The following SELENOO variants were observed in gnomAD, a reference collection of about 807,000 sequenced individuals.
SELENOO encodes protein adenylyltransferase SelO, mitochondrial.
In SELENOO, 74 loss-of-function variants were observed where a neutral mutation model predicts 58.7. That is an observed-to-expected ratio of 1.26 (90% CI 1.04 to 1.53). The LOEUF (loss-of-function observed/expected upper bound fraction) is 1.53, where lower values mean the gene tolerates loss of function less well. Ranked by LOEUF, SELENOO falls within the 40% of genes most tolerant of loss-of-function variation. The probability of loss-of-function intolerance (pLI) is 0.00; values close to 1 mark genes in which losing one functional copy is unlikely to be tolerated. For synonymous variants in SELENOO, 543 were observed against 453.2 expected (o/e 1.20, Z -2.52); for missense variants, 1,149 against 970.0 (o/e 1.18, Z -2.45).
Position 50,215,711 on chromosome 22 carries a change from T to C in SELENOO, c.1352-6T>C, listed in dbSNP as rs2064402712. On this transcript the variant is annotated splice_region_variant and splice_polypyrimidine_tract_variant and intron_variant, in intron 5 of 8. Transcript: ENST00000380903. ...CTTCCAGCTCCCTGAGCAGCCTGTG[T>C]TCCAGGTGCCGACTTCACAAACACC... 1 of 1,581,956 alleles carries C rather than the reference T, an allele frequency of 6.3e-7. No individual in the cohort carries two copies. Among genetic ancestry groups the C allele is most frequent in the African/African-American group, 1.3e-5 (1 of 74,234 alleles).
intron 5 of SELENOO, among the ~76,000 whole-genome samples, chr22:50,215,115 G>C (rs2064396425): frequency 6.6e-6 from 1 of 152,180 alleles, no homozygotes; most frequent in African/African-American, 2.4e-5. Flanking sequence ...TAGGGTCACT[G>C]TGGTTTCAGA....
At chr22:50,208,432 A>G in intron 2 of SELENOO, 104 bp from the exon 3 acceptor site, 1 of 205,570 alleles carries the variant, frequency 4.9e-6, no homozygotes, top group Non-Finnish European at 6.0e-6. Flanking sequence ...CTCCATCTCA[A>G]AAAAAAAAAA....
chr22:50,204,689 TTGG>T (rs2064321951), intron 1 of SELENOO, among the ~76,000 whole-genome samples: 1 of 152,028 alleles, frequency 6.6e-6, no homozygotes, highest in Non-Finnish European at 1.5e-5. Flanking sequence ...TTCTGCACTG[TTGG>T]TGGGAATGTA....
chr22:50,213,746 C>T (rs1477220559), intron 5 of SELENOO, among the ~76,000 whole-genome samples: 1 of 152,074 alleles, frequency 6.6e-6, no homozygotes, highest in Non-Finnish European at 1.5e-5. Context: ...CTCCCAGGTT[C>T]ACGGCATTTT....
intron 5 of SELENOO, among the ~76,000 whole-genome samples, chr22:50,215,208 A>AAGCAGG (rs1421092603): frequency 3.9e-5 from 6 of 152,086 alleles, no homozygotes; most frequent in African/African-American, 1.4e-4. Context: ...CAGCTTCTCA[A>AAGCAGG]CACTCGCTAG....
At chr22:50,207,517 C>T (rs550879524) in intron 2 of SELENOO, among the ~76,000 whole-genome samples, 2 of 151,868 alleles carry the variant, frequency 1.3e-5, no homozygotes, top group African/African-American at 4.8e-5. Context: ...CTTGCAGCCC[C>T]GTCCTGCCCG....
Position 50,201,193 on chromosome 22 carries a change from C to T in SELENOO, c.157C>T (p.Arg53Cys), listed in dbSNP as rs2064296385. Residue 53 changes from arginine to cysteine, a missense_variant, in exon 1 of 9, where the codon CGC becomes TGC. By Grantham distance (180) the Arg-to-Cys change is radical (BLOSUM62 -3). Coordinates refer to ENST00000380903, the MANE Select transcript of SELENOO (RefSeq NM_031454.2). ...RWLAGLRFDN[R>C]ALRALPVEAP... ...GCTGGCGGGGCTGCGCTTCGACAACCGCGCCCTGCGCGCCCTGCCCGTGGA... is the reference window on the plus strand; with the variant it reads ...GCTGGCGGGGCTGCGCTTCGACAACTGCGCCCTGCGCGCCCTGCCCGTGGA... 1 of 1,199,286 alleles carries T rather than the reference C, an allele frequency of 8.3e-7. No homozygotes were observed. The highest frequency in any genetic ancestry group is 4.5e-5 in the Admixed American group (1 of 22,310). The allele number at this position is 1,199,286 out of a possible 1,614,324, so 74.3% of individuals were successfully genotyped here. A position where few individuals can be genotyped will look rare whatever the true frequency, so the allele number is the denominator to read the frequency against.
At chr22:50,211,582 G>T (rs1373014795) in intron 5 of SELENOO, among the ~76,000 whole-genome samples, 1 of 152,148 alleles carries the variant, frequency 6.6e-6, no homozygotes, top group Admixed American at 6.5e-5. Context: ...AAAAGCTATT[G>T]CATTTTATCA....
rs1489325152 is a variant in SELENOO, at chr22:50,201,132, G to A, written c.96G>A (p.Thr32=). The change falls in exon 1 of 9, where the codon ACG becomes ACA. Residue 32 remains threonine (T), a synonymous_variant. Coordinates refer to ENST00000380903, the MANE Select transcript of SELENOO (RefSeq NM_031454.2). ...RCSPSPAPRS[T]LSGAAMEPAP... is the part of the protein sequence containing the mutation. ...CCCCGTCGCCGGCGCCCCGCTCTAC[G>A]TTGTCGGGCGCCGCCATGGAGCCCG... The A allele has an allele frequency of 3.8e-6, 5 of 1,313,940 alleles. No homozygotes were observed. In the East Asian group the frequency reaches 9.5e-5, roughly 25 times the overall value. The allele number at this position is 1,313,940 out of a possible 1,614,324, so 81.4% of individuals were successfully genotyped here. A position where few individuals can be genotyped will look rare whatever the true frequency, so the allele number is the denominator to read the frequency against.
Position 50,217,415 on chromosome 22 carries a change from T to G in SELENOO, c.*46T>G, listed in dbSNP as rs758695973. On this transcript the variant is annotated 3_prime_UTR_variant, in exon 9 of 9. Coordinates refer to ENST00000380903, the MANE Select transcript of SELENOO (RefSeq NM_031454.2). Reference sequence around the variant, plus strand: ...CCCCTGGAGTCTCCCGAGGCCCCCATGTGCTGCTGAGTGGCCAAGATGATG... The same window carrying G: ...CCCCTGGAGTCTCCCGAGGCCCCCAGGTGCTGCTGAGTGGCCAAGATGATG... The G allele has an allele frequency of 3.1e-6, 5 of 1,597,722 alleles. No homozygotes were observed. Among genetic ancestry groups the G allele is most frequent in the South Asian group, 2.2e-5 (2 of 89,266 alleles).
At chr22:50,207,213 C>T (rs745603676) in intron 2 of SELENOO, among the ~76,000 whole-genome samples, 9 of 152,016 alleles carry the variant, frequency 5.9e-5, no homozygotes, top group Non-Finnish European at 1.2e-4. Flanking sequence ...ACCTCCGCCT[C>T]CCGGGTTCAA....
intron 5 of SELENOO, 74 bp from the exon 6 acceptor site, chr22:50,215,643 G>A: frequency 1.6e-6 from 2 of 1,216,532 alleles, no homozygotes; most frequent in Non-Finnish European, 2.2e-6. Context: ...GGTGGGGGGG[G>A]GGGGGTCTGT....
chr22:50,202,939 C>T (rs1396165228), intron 1 of SELENOO, among the ~76,000 whole-genome samples: 3 of 152,206 alleles, frequency 2.0e-5, no homozygotes, highest in East Asian at 1.9e-4. Context: ...ATAAAGAAAA[C>T]ATAAATAAAT....
rs772756822 is a variant in SELENOO at position 50,201,064 on chromosome 22, G to A, written c.28G>A (p.Ala10Thr). MAVYRAALG[A>T]SLAAARLLPL... ...GGCCGTATACAGGGCAGCGCTCGGG[G>A]CTTCGCTCGCGGCTGCCCGACTCTT... The change falls in exon 1 of 9, where the codon GCT becomes ACT. Residue 10 changes from alanine to threonine, a missense_variant. Ala to Thr is a moderately conservative substitution (Grantham distance 58). Coordinates refer to ENST00000380903, the MANE Select transcript of SELENOO (RefSeq NM_031454.2). The A allele has an allele frequency of 1.5e-6, 2 of 1,358,326 alleles. No individual in the cohort carries two copies. The highest frequency in any genetic ancestry group is 3.5e-5 in the South Asian group (2 of 56,846). 84.1% of individuals were successfully genotyped at this position (1,358,326 alleles called of 1,614,324 possible). A position where few individuals can be genotyped will look rare whatever the true frequency, so the allele number is the denominator to read the frequency against.
At chr22:50,212,851 T>C (rs1441927840) in intron 5 of SELENOO, among the ~76,000 whole-genome samples, 1 of 152,126 alleles carries the variant, frequency 6.6e-6, no homozygotes, top group Non-Finnish European at 1.5e-5. Flanking sequence ...TTCAGTCTAT[T>C]GTCTCCCTCT....
chr22:50,201,017 C>T lies in SELENOO; in HGVS notation c.-20C>T. On this transcript the variant is annotated 5_prime_UTR_variant, in exon 1 of 9. Coordinates refer to ENST00000380903, the MANE Select transcript of SELENOO (RefSeq NM_031454.2). ...CTTCCGGGCGGGGCAGGCTGGCTTCCGGCGGGAGCGGGGCCGCGGATGGCC... is the reference window on the plus strand; with the variant it reads ...CTTCCGGGCGGGGCAGGCTGGCTTCTGGCGGGAGCGGGGCCGCGGATGGCC... 1 of 1,246,018 alleles carries T rather than the reference C, an allele frequency of 8.0e-7. No individual in the cohort carries two copies. Among genetic ancestry groups the T allele is most frequent in the Non-Finnish European group, 1.0e-6 (1 of 994,564 alleles). 77.2% of individuals were successfully genotyped at this position (1,246,018 alleles called of 1,614,324 possible). A position where few individuals can be genotyped will look rare whatever the true frequency, so the allele number is the denominator to read the frequency against.
chr22:50,217,073 G>A lies in SELENOO; in HGVS notation c.1790G>A (p.Arg597Lys). 1 of 1,612,940 alleles carries A rather than the reference G, an allele frequency of 6.2e-7. No individual in the cohort carries two copies. Among genetic ancestry groups the A allele is most frequent in the Non-Finnish European group, 8.5e-7 (1 of 1,179,968 alleles). Residue 597 changes from arginine to lysine, a missense_variant, in exon 8 of 9, where the codon AGG becomes AAG. Transcript: ENST00000380903. ...GCCAACAACCCGAAGTACGTGCTGA[G>A]GAACTACATCGCGCAGAATGCCATC... ...MHANNPKYVL[R>K]NYIAQNAIEA...
At chr22:50,205,614 T>G in intron 1 of SELENOO, 1 of 152,308 alleles carries the variant, frequency 6.6e-6, no homozygotes, top group East Asian at 1.9e-4. Context: ...TTATGTGTAT[T>G]TTACCACAGT....
rs1356449086 is a variant in SELENOO, at chr22:50,201,488, AGCTGGGCGACGGCGCC to A, written c.455_470del (p.Leu152ProfsTer91). On this transcript the variant is annotated frameshift_variant, in exon 1 of 9. Coordinates refer to ENST00000380903, the MANE Select transcript of SELENOO (RefSeq NM_031454.2). LOFTEE classifies it high-confidence loss of function. ...CACCAATTCGGCCAGTTCGCCGGGCAGCTGGGCGACGGCGCCGCCATGTACCTGGGCGAGGTGTGCA... is the reference window on the plus strand; with the variant it reads ...CACCAATTCGGCCAGTTCGCCGGGCAGCCATGTACCTGGGCGAGGTGTGCA... The A allele has an allele frequency of 4.1e-5, 59 of 1,425,196 alleles. No homozygotes were observed. The highest frequency in any genetic ancestry group is 2.5e-4 in the Middle Eastern group (1 of 4,072). 88.3% of individuals were successfully genotyped at this position (1,425,196 alleles called of 1,614,324 possible).
Sources: allele counts gnomAD v4.1 joint callset (sites outside exome capture counted in the v4.1 genomes callset), GRCh38; gene constraint gnomAD v4.1.1; transcripts MANE v1.5; gene names NCBI Gene and HGNC (gene_info 2026-07-23, HGNC 2026-07-21).